The following SLC39A4 variants were observed in gnomAD, a reference collection of about 807,000 sequenced individuals.
The protein encoded by SLC39A4 is solute carrier family 39 member 4.
Under a neutral mutation model 56.6 loss-of-function variants are expected in SLC39A4, and 49 were observed. That is an observed-to-expected ratio of 0.87 (90% CI 0.69 to 1.10). The LOEUF (loss-of-function observed/expected upper bound fraction) is 1.10. Among genes scored for constraint, SLC39A4 ranks in the 50% least tolerant of loss-of-function variants. SLC39A4 has a pLI of 0.00. For synonymous variants in SLC39A4, 540 were observed against 420.4 expected (o/e 1.28, Z -3.48); for missense variants, 993 against 864.2 (o/e 1.15, Z -1.87).
In SLC39A4 at chr8:144,416,739, C is replaced by T; in HGVS notation, c.51G>A (p.Val17=). 6.2e-7 allele frequency: 1 copy of T among 1,612,744 alleles called. No individual in the cohort carries two copies. Among genetic ancestry groups the T allele is most frequent in the Non-Finnish European group, 8.5e-7 (1 of 1,179,878 alleles). The change falls in exon 1 of 12, where the codon GTG becomes GTA. Residue 17 remains valine, a synonymous_variant. Coordinates refer to ENST00000301305, the MANE Select transcript of SLC39A4 (RefSeq NM_130849.4). ...CAGGCGGGGACGCCGTCGCCGTCAC[C>T]ACCAGCACAGCCAGAAGCAGCCCCA... ...LELGLLLAVL[V]VTATASPPAG...
At position 144,414,848 on chromosome 8, in the gene SLC39A4, G is replaced by T; in HGVS notation, c.853C>A (p.Gln285Lys). 1 of 1,613,354 alleles carries T rather than the reference G, an allele frequency of 6.2e-7. No homozygotes were observed. The highest frequency in any genetic ancestry group is 8.5e-7 in the Non-Finnish European group (1 of 1,179,980). The change falls in exon 5 of 12, where the codon CAG (glutamine) becomes AAG (lysine). Residue 285 changes from glutamine to lysine, a missense_variant. Coordinates refer to ENST00000301305, the MANE Select transcript of SLC39A4 (RefSeq NM_130849.4). ...DVMAAYGLSEQAGVTPEAWAQ... is the reference protein window; with the variant it reads ...DVMAAYGLSEKAGVTPEAWAQ... ...CAGGCCTCCGGGGTCACCCCAGCCT[G>T]TTCCGACAGTCCATATGCAGCCATC...
Position 144,415,871 on chromosome 8 carries a change from G to T in SLC39A4, c.413C>A (p.Pro138Gln). ...CCTCTGCAGCAGCCAGCTCAGGCCC[G>T]GGGTCAGGGCCTTGGGGCTCTCGAG... ...ALLESPKALT[P>Q]GLSWLLQRMQ... is the part of the protein sequence containing the mutation. The change falls in exon 2 of 12, where the codon CCG becomes CAG. Residue 138 changes from proline (P) to glutamine (Q), a missense_variant. Pro to Gln is a moderately conservative substitution (Grantham distance 76, BLOSUM62 -1). Transcript: ENST00000301305. The T allele has an allele frequency of 1.3e-6, 2 of 1,597,444 alleles. No homozygotes were observed. The highest frequency in any genetic ancestry group is 2.2e-5 in the East Asian group (1 of 44,468).
chr8:144,414,684 C>T (rs782192551), intron 5 of SLC39A4, 41 bp downstream of exon 5: 23 of 1,608,090 alleles, frequency 1.4e-5, no homozygotes, highest in Admixed American at 3.3e-5. Context: ...ACACGGGCTC[C>T]ACCTCTGTGC....
rs782297510 is a variant in SLC39A4, at chr8:144,413,564, C to A, written c.1423G>T (p.Ala475Ser). Residue 475 changes from alanine (A) to serine (S), a missense_variant, in exon 9 of 12, where the codon GCG becomes TCG. Physicochemically the swap from Ala to Ser is moderately conservative, Grantham distance 99. Coordinates refer to ENST00000301305, the MANE Select transcript of SLC39A4 (RefSeq NM_130849.4). ...PHEGSRADLV[A>S]EESPELLNPE... ...TTCAGCAGCTCCGGGCTCTCCTCCG[C>A]CACCTGGGAGGAGCCTTGAGTAAGT... The A allele has an allele frequency of 1.3e-6, 2 of 1,552,988 alleles. No individual in the cohort carries two copies. The highest frequency in any genetic ancestry group is 1.7e-6 in the Non-Finnish European group (2 of 1,148,318).
At chr8:144,414,148 A>C in intron 6 of SLC39A4, 53 bp from the exon 7 acceptor site, 2 of 1,558,890 alleles carry the variant, frequency 1.3e-6, no homozygotes, top group East Asian at 4.7e-5. Flanking sequence ...GCCTCCCACC[A>C]AGACCCAGGG....
intron 1 of SLC39A4, 172 bp downstream of exon 1, chr8:144,416,426 C>A: frequency 6.9e-7 from 1 of 1,448,454 alleles, no homozygotes; most frequent in Non-Finnish European, 9.0e-7. Context: ...CCTGTCTGCC[C>A]TCATGAGCAG....
chr8:144,412,604 C>G lies in SLC39A4; in HGVS notation c.1878G>C (p.Val626=). ...GGACGGTCCAGCCGCCCAGCAGGCC[C>G]ACGTTGTGCAGCAGGAAGAGGAGCC... ...RPWLLFLLHN[V]GLLGGWTVLL... is the part of the protein sequence containing the mutation. Residue 626 remains valine, a synonymous_variant, in exon 12 of 12, where the codon GTG becomes GTC. Coordinates refer to ENST00000301305, the MANE Select transcript of SLC39A4 (RefSeq NM_130849.4). 6.2e-7 allele frequency: 1 copy of G among 1,614,178 alleles called. No homozygotes were observed. Among genetic ancestry groups the G allele is most frequent in the South Asian group, 1.1e-5 (1 of 91,076 alleles).
intron 10 of SLC39A4, 116 bp downstream of exon 10, chr8:144,413,121 C>T (rs1586649162): frequency 6.7e-7 from 1 of 1,497,838 alleles, no homozygotes. Flanking sequence ...TCCGGTCTCC[C>T]CACCCAGCCA....
Position 144,414,177 on chromosome 8 carries a change from G to A in SLC39A4, c.1150-82C>T, listed in dbSNP as rs1822055325. 7.6e-6 allele frequency: 12 copies of A among 1,571,518 alleles called. 1 individual carries two copies. In the Admixed American group the frequency reaches 1.4e-4, roughly 18 times the overall value. On this transcript the variant is annotated intron_variant, in intron 6 of 11. Transcript: ENST00000301305. ...CCCAGGGAGAGGGGTCAGGAGGTGGGGTGGGTAAGGTCCCTGGGAGGGCAC... is the reference window on the plus strand; with the variant it reads ...CCCAGGGAGAGGGGTCAGGAGGTGGAGTGGGTAAGGTCCCTGGGAGGGCAC...
At chr8:144,416,569 C>T in intron 1 of SLC39A4, 29 bp downstream of exon 1, 1 of 1,553,374 alleles carries the variant, frequency 6.4e-7, no homozygotes, top group East Asian at 2.4e-5. Context: ...GAGGCCAGGG[C>T]TGGGGGACCC....
intron 1 of SLC39A4, 66 bp downstream of exon 1, chr8:144,416,532 C>T (rs1048375699): frequency 3.2e-4 from 488 of 1,529,220 alleles, no homozygotes; most frequent in Non-Finnish European, 2.7e-4. Flanking sequence ...CCTTTGCTGC[C>T]GGCTGGCAGG....
intron 8 of SLC39A4, 58 bp from the exon 9 acceptor site, chr8:144,413,625 G>A (rs1822006516): frequency 1.9e-6 from 3 of 1,547,514 alleles, no homozygotes; most frequent in Admixed American, 3.9e-5. Context: ...CGGTGGGGCG[G>A]GGCGGGGCCC....
At chr8:144,414,952 C>T in intron 4 of SLC39A4, 22 bp downstream of exon 4, 3 of 1,612,992 alleles carry the variant, frequency 1.9e-6, no homozygotes, top group South Asian at 1.1e-5. Flanking sequence ...GAGGCCCCAT[C>T]TTACCCCAGG....
At chr8:144,413,911 G>A (rs1822026759) in intron 7 of SLC39A4, 30 bp from the exon 8 acceptor site, 2 of 1,610,044 alleles carry the variant, frequency 1.2e-6, no homozygotes, top group East Asian at 2.2e-5. Flanking sequence ...GTGTCCACCA[G>A]GCCCCCAGCA....
intron 4 of SLC39A4, 24 bp from the exon 5 acceptor site, chr8:144,414,920 AG>A (rs1468917932): frequency 2.5e-6 from 4 of 1,612,966 alleles, no homozygotes; most frequent in East Asian, 2.2e-5. Flanking sequence ...GGACAGGCTC[AG>A]GGGCCCAAGC....
In SLC39A4 at chr8:144,414,425, T is replaced by G. The variant is rs781937891; in HGVS notation, c.986A>C (p.Tyr329Ser). The G allele has an allele frequency of 1.6e-4, 244 of 1,557,796 alleles. 1 individual carries two copies. The highest frequency in any genetic ancestry group is 2.1e-4 in the Non-Finnish European group (236 of 1,151,190). ...GATGAGCAGCGTGGCCAGGGAGCCG[T>G]ACAGATACCCTGGGGGCGGGTGAGG... ...DQLSQSERYL[Y>S]GSLATLLICL... Residue 329 changes from tyrosine (Y) to serine (S), a missense_variant, in exon 6 of 12, where the codon TAC becomes TCC. By Grantham distance (144) the Tyr-to-Ser change is moderately radical (BLOSUM62 -2). Coordinates refer to ENST00000301305, the MANE Select transcript of SLC39A4 (RefSeq NM_130849.4).
In SLC39A4 at chr8:144,412,625, G is replaced by A. The variant is rs1554871829; in HGVS notation, c.1857C>T (p.Leu619=). The change falls in exon 12 of 12, where the codon CTC becomes CTT. Residue 619 remains leucine, a synonymous_variant. Transcript: ENST00000301305. ...MLKVRDPRPW[L]LFLLHNVGLL... Reference sequence around the variant, plus strand: ...GGCCCACGTTGTGCAGCAGGAAGAGGAGCCAGGGCCGCGGGTCCCGTACTT... The same window carrying A: ...GGCCCACGTTGTGCAGCAGGAAGAGAAGCCAGGGCCGCGGGTCCCGTACTT... 1 of 1,614,140 alleles carries A rather than the reference G, an allele frequency of 6.2e-7. No individual in the cohort carries two copies. Among genetic ancestry groups the A allele is most frequent in the East Asian group, 2.2e-5 (1 of 44,884 alleles).
At position 144,415,900 on chromosome 8, in the gene SLC39A4, G is replaced by T. The variant is rs1554873836; in HGVS notation, c.384C>A (p.Ala128=). The T allele has an allele frequency of 6.3e-7, 1 of 1,596,318 alleles. No homozygotes were observed. Reference sequence around the variant, plus strand: ...TCAGGGCCTTGGGGCTCTCGAGCAGGGCCAGGAGGTGGTCTGCATGAGAGG... The same window carrying T: ...TCAGGGCCTTGGGGCTCTCGAGCAGTGCCAGGAGGTGGTCTGCATGAGAGG... ...LWASHADHLL[A]LLESPKALTP... Residue 128 remains alanine (A), a synonymous_variant, in exon 2 of 12, where the codon GCC becomes GCA. Coordinates refer to ENST00000301305, the MANE Select transcript of SLC39A4 (RefSeq NM_130849.4).
In SLC39A4 at chr8:144,416,714, C is replaced by A. The variant is rs782044154; in HGVS notation, c.76G>T (p.Ala26Ser). ...LVVTATASPPAGLLSLLTSGQ... is the reference protein window; with the variant it reads ...LVVTATASPPSGLLSLLTSGQ... ...GAGGTGAGCAGGCTCAGCAGACCAG[C>A]AGGCGGGGACGCCGTCGCCGTCACC... Residue 26 changes from alanine (A) to serine (S), a missense_variant, in exon 1 of 12, where the codon GCT becomes TCT. Physicochemically the swap from Ala to Ser is moderately conservative, Grantham distance 99. Coordinates refer to ENST00000301305, the MANE Select transcript of SLC39A4 (RefSeq NM_130849.4). The A allele has an allele frequency of 4.2e-5, 68 of 1,612,510 alleles. 1 individual carries two copies. The Admixed American group carries it at 1.1e-3, about 25-fold the overall frequency.
Sources: allele counts gnomAD v4.1 joint callset, GRCh38; gene constraint gnomAD v4.1.1; transcripts MANE v1.5; gene names NCBI Gene and HGNC (gene_info 2026-07-23, HGNC 2026-07-21).